UBE2V2: variants seen among roughly 807,000 people sequenced by gnomAD.
The protein encoded by UBE2V2 is ubiquitin conjugating enzyme E2 V2, also known as ubiquitin-conjugating enzyme E2 variant 2.
Under a neutral mutation model 17.2 loss-of-function variants are expected in UBE2V2, and 9 were observed. That is an observed-to-expected ratio of 0.52 (90% CI 0.32 to 0.91). The LOEUF (loss-of-function observed/expected upper bound fraction) is 0.91. UBE2V2 is among the 40% of genes least tolerant of loss of function. UBE2V2 has a pLI of 0.04. For synonymous variants in UBE2V2, 61 were observed against 57.5 expected (o/e 1.06, Z -0.28); for missense variants, 133 against 182.6 (o/e 0.73, Z 1.56).
chr8:48,046,312 G>A (rs2091498608), intron 2 of UBE2V2, among the ~76,000 whole-genome samples: 1 of 152,124 alleles, frequency 6.6e-6, no homozygotes, highest in South Asian at 2.1e-4. Flanking sequence ...TAGAGATGGG[G>A]TTTCACCATG....
intron 1 of UBE2V2, among the ~76,000 whole-genome samples, chr8:48,029,076 C>G (rs1168317480): frequency 1.3e-5 from 2 of 151,956 alleles, no homozygotes; most frequent in African/African-American, 4.8e-5. Flanking sequence ...ATGTTCAGGC[C>G]AGGTGCAGTA....
intron 1 of UBE2V2, among the ~76,000 whole-genome samples, chr8:48,027,010 A>T (rs1563852264): frequency 6.6e-6 from 1 of 152,074 alleles, no homozygotes; most frequent in Non-Finnish European, 1.5e-5. Context: ...TTCGAGACGG[A>T]GTCTCGCTCT....
chr8:48,060,025 G>A (rs1802566792), intron 3 of UBE2V2, among the ~76,000 whole-genome samples: 2 of 152,002 alleles, frequency 1.3e-5, no homozygotes, highest in African/African-American at 2.4e-5. Flanking sequence ...GGGCAACATG[G>A]TGAAACCCTG....
chr8:48,048,641 C>G (rs1445951545), intron 2 of UBE2V2, among the ~76,000 whole-genome samples: 1 of 151,880 alleles, frequency 6.6e-6, no homozygotes, highest in Non-Finnish European at 1.5e-5. Context: ...CTCTTTTTTT[C>G]TTAAAGTATT....
intron 1 of UBE2V2, among the ~76,000 whole-genome samples, chr8:48,033,230 A>G (rs1481402707): frequency 1.3e-5 from 2 of 151,748 alleles, no homozygotes; most frequent in Admixed American, 1.3e-4. Context: ...TCTGTTGCCC[A>G]GGCTGGAGTG....
intron 1 of UBE2V2, chr8:48,042,045 G>C (rs1025910083): frequency 6.6e-6 from 1 of 152,040 alleles, no homozygotes; most frequent in Non-Finnish European, 1.5e-5. Context: ...TGCCTGCCTC[G>C]GCCTCCCAAA....
At chr8:48,022,503 A>G (rs139443684) in intron 1 of UBE2V2, among the ~76,000 whole-genome samples, 141 of 152,210 alleles carry the variant, frequency 9.3e-4, no homozygotes, top group African/African-American at 3.3e-3. Context: ...TTGTCTTTTA[A>G]CCTTCCTACT....
intron 2 of UBE2V2, among the ~76,000 whole-genome samples, chr8:48,046,811 G>C (rs1005506469): frequency 6.6e-6 from 1 of 151,258 alleles, no homozygotes; most frequent in African/African-American, 2.4e-5. Context: ...GTGTTGCCCA[G>C]ACGGGTCTCA....
chr8:48,008,461 G>C lies in UBE2V2; in HGVS notation c.7G>C (p.Val3Leu). Residue 3 changes from valine to leucine, a missense_variant, in exon 1 of 4, where the codon GTC becomes CTC. Val to Leu is a conservative substitution (Grantham distance 32, BLOSUM62 1). Coordinates refer to ENST00000523111, the MANE Select transcript of UBE2V2 (RefSeq NM_003350.3). ...CGTCGGGCTGCAGGAGAAGATGGCG[G>C]TCTCCACAGGTCGGTTCCCGGGCCG... The part of the protein sequence containing the change: MA[V>L]STGVKVPRNF... The C allele has an allele frequency of 6.4e-7, 1 of 1,567,392 alleles. No individual in the cohort carries two copies.
chr8:47,997,945 G>C, the UBE2V2 span, among the ~76,000 whole-genome samples: 1 of 151,928 alleles, frequency 6.6e-6, no homozygotes, highest in Non-Finnish European at 1.5e-5. Flanking sequence ...GGGGTGAGGG[G>C]AGCAGGAGGC....
At chr8:48,049,435 A>G (rs773297290) in intron 2 of UBE2V2, 2 of 161,018 alleles carry the variant, frequency 1.2e-5, no homozygotes, top group Non-Finnish European at 2.7e-5. Context: ...TAAAACAGAA[A>G]CCTTCATATA....
chr8:48,007,904 A>T (rs1457206691), upstream of UBE2V2, among the ~76,000 whole-genome samples: 1 of 151,884 alleles, frequency 6.6e-6, no homozygotes, highest in Non-Finnish European at 1.5e-5. Flanking sequence ...TATCAACGCA[A>T]ATCTGTCAAT....
In UBE2V2 at chr8:48,043,180, G is replaced by A. The variant is rs2091475823; in HGVS notation, c.164G>A (p.Arg55Lys). Residue 55 changes from arginine (R) to lysine (K), a missense_variant and splice_region_variant, in exon 2 of 4, where the codon AGG (arginine) becomes AAG (lysine). This residue lies in a region of UBE2V2 where 92 missense variants were observed against 124.3 expected (regional missense o/e 0.74). Coordinates refer to ENST00000523111, the MANE Select transcript of UBE2V2 (RefSeq NM_003350.3). The stretch of plus-strand genomic sequence containing the variant: ...ACAGGCATGATTATTGGGCCACCAA[G>A]GGTCAGTGTTATAAATTATATTTTT... ...RWTGMIIGPP[R>K]TNYENRIYSL... 6.7e-7 allele frequency: 1 copy of A among 1,486,956 alleles called. No individual in the cohort carries two copies. Among genetic ancestry groups the A allele is most frequent in the Non-Finnish European group, 9.0e-7 (1 of 1,116,194 alleles). The allele number at this position is 1,486,956 out of a possible 1,614,324, so 92.1% of individuals were successfully genotyped here.
intron 1 of UBE2V2, among the ~76,000 whole-genome samples, chr8:48,041,286 A>C (rs1195353597): frequency 6.6e-6 from 1 of 150,968 alleles, no homozygotes; most frequent in Non-Finnish European, 1.5e-5. Flanking sequence ...GTTCCAGACC[A>C]GTCTGGCCAA....
chr8:48,012,730 GAAA>G (rs531673929), intron 1 of UBE2V2, among the ~76,000 whole-genome samples: 1 of 151,150 alleles, frequency 6.6e-6, no homozygotes, highest in African/African-American at 2.4e-5. Context: ...GAAAAAAAAA[GAAA>G]AAAAGCGTGT....
At chr8:48,013,868 C>T (rs2091249944) in intron 1 of UBE2V2, among the ~76,000 whole-genome samples, 1 of 152,214 alleles carries the variant, frequency 6.6e-6, no homozygotes, top group Non-Finnish European at 1.5e-5. Context: ...CTGCCCCTGA[C>T]AGACTACTGT....
Position 48,020,920 on chromosome 8 carries a change from T to A in UBE2V2, c.16+12450T>A, listed in dbSNP as rs538393852. On this transcript the variant is annotated intron_variant, in intron 1 of 3. Coordinates refer to ENST00000523111, the MANE Select transcript of UBE2V2 (RefSeq NM_003350.3). ...GCCCAGCTAATTTTTTTTTTTTTTT[T>A]AATTTTTGTAGAGACAACGTCTTGC... Among the ~76,000 whole-genome samples the A allele has an allele frequency of 4.6e-3, 701 of 150,942 alleles. 2 individuals are homozygous for A. The highest frequency in any genetic ancestry group is 7.5e-3 in the Non-Finnish European group (505 of 67,634).
intron 3 of UBE2V2, among the ~76,000 whole-genome samples, chr8:48,054,186 T>C (rs1376858473): frequency 6.6e-6 from 1 of 152,204 alleles, no homozygotes; most frequent in Non-Finnish European, 1.5e-5. Context: ...TCAATTGCAA[T>C]GTGTATCTTG....
chr8:48,058,426 G>A (rs769574790), intron 3 of UBE2V2, among the ~76,000 whole-genome samples: 7 of 151,256 alleles, frequency 4.6e-5, no homozygotes, highest in Non-Finnish European at 7.4e-5. Context: ...GAAAGTAGCC[G>A]GGCCTGTGGT....
Sources: allele counts gnomAD v4.1 joint callset (sites outside exome capture counted in the v4.1 genomes callset), GRCh38; gene constraint gnomAD v4.1.1; regional missense constraint gnomAD v4.1.1; transcripts MANE v1.5; gene names NCBI Gene and HGNC (gene_info 2026-07-23, HGNC 2026-07-21).